Variants in AFF2 observed in about 807,000 individuals in gnomAD.
The protein encoded by AFF2 is ALF transcription elongation factor 2.
A neutral mutation model predicts 76.9 loss-of-function variants in AFF2; 14 were observed. The ratio of observed to expected loss-of-function variants is 0.18; its 90% CI spans 0.12 to 0.28. The LOEUF is 0.28. AFF2 is among the 10% of genes least tolerant of loss of function. The probability of loss-of-function intolerance (pLI) is 1.00; values close to 1 mark genes in which losing one functional copy is unlikely to be tolerated. For synonymous variants in AFF2, 398 were observed against 366.7 expected (o/e 1.09, Z -0.98); for missense variants, 868 against 1,001.1 (o/e 0.87, Z 1.79).
At chrX:148,628,820 G>A (rs1342586103) in intron 1 of AFF2, among the ~76,000 whole-genome samples, 1 of 112,024 alleles carries the variant, frequency 8.9e-6, no homozygotes, top group East Asian at 2.8e-4. Context: ...TTCTGCTTTG[G>A]CAGATGAATG....
chrX:148,723,626 T>G (rs1353233533), intron 3 of AFF2, among the ~76,000 whole-genome samples: 1 of 112,148 alleles, frequency 8.9e-6, no homozygotes, highest in Admixed American at 9.4e-5. Flanking sequence ...AGCAAATCAA[T>G]GCAAGTTAAT....
intron 1 of AFF2, among the ~76,000 whole-genome samples, chrX:148,558,366 G>A (rs1161297254): frequency 9.0e-6 from 1 of 111,476 alleles, no homozygotes; most frequent in African/African-American, 3.3e-5. Context: ...CTAAGAGTGA[G>A]ATGCAGTTCT....
chrX:148,656,493 A>ATTTT (rs1205846596), intron 2 of AFF2, among the ~76,000 whole-genome samples: 27 of 68,072 alleles, frequency 4.0e-4, no homozygotes, highest in African/African-American at 9.2e-4. Flanking sequence ...TCCATGAGGA[A>ATTTT]TTTTTTTTTT....
intron 20 of AFF2, among the ~76,000 whole-genome samples, chrX:148,990,211 G>A (rs1557292106): frequency 1.8e-5 from 2 of 112,103 alleles, no homozygotes; most frequent in Non-Finnish European, 3.8e-5. Context: ...TAAATGCATT[G>A]TTTGATGAAA....
chrX:148,776,907 G>A (rs782502685), intron 3 of AFF2, among the ~76,000 whole-genome samples: 50 of 112,142 alleles, frequency 4.5e-4, no homozygotes, highest in African/African-American at 1.6e-3. Flanking sequence ...TGCTTTTGGT[G>A]TTTTAGTCAT....
chrX:148,680,018 A>G (rs782702066), intron 3 of AFF2, among the ~76,000 whole-genome samples: 6 of 112,418 alleles, frequency 5.3e-5, no homozygotes, highest in African/African-American at 9.7e-5. Flanking sequence ...AAGAAAATCA[A>G]TGTTTCAAAA....
rs782372400 is a variant in AFF2, at chrX:148,791,291, G to A, written c.1042-18585G>A. Among the ~76,000 whole-genome samples, 3 of 111,937 alleles carry A rather than the reference G, an allele frequency of 2.7e-5. No individual in the cohort carries two copies. In the East Asian group the frequency reaches 8.5e-4, roughly 32 times the overall value. ...ACAATCATGATGGAAGGTGAATGAGGAGCAAAGTCACATCTAACATGGTGG... is the reference window on the plus strand; with the variant it reads ...ACAATCATGATGGAAGGTGAATGAGAAGCAAAGTCACATCTAACATGGTGG... On this transcript the variant is annotated intron_variant, in intron 3 of 20. Transcript: ENST00000370460.
At chrX:148,990,134 G>T (rs2072517803) in intron 20 of AFF2, among the ~76,000 whole-genome samples, 1 of 112,264 alleles carries the variant, frequency 8.9e-6, no homozygotes, top group Non-Finnish European at 1.9e-5. Context: ...AGGTTAAAAA[G>T]TATCATATAA....
intron 1 of AFF2, among the ~76,000 whole-genome samples, chrX:148,521,373 T>TACACACACAC (rs1569550690): frequency 1.4e-4 from 8 of 56,075 alleles, no homozygotes; most frequent in African/African-American, 6.7e-4. Flanking sequence ...AGCACGTGCA[T>TACACACACAC]GCACACACAC....
At chrX:148,731,182 C>A (rs2055215171) in intron 3 of AFF2, among the ~76,000 whole-genome samples, 1 of 112,145 alleles carries the variant, frequency 8.9e-6, no homozygotes, top group South Asian at 3.7e-4. Flanking sequence ...CACGTGTCCA[C>A]ACCTCAGAGT....
chrX:148,637,669 G>A (rs2054046056), intron 1 of AFF2, among the ~76,000 whole-genome samples: 1 of 111,637 alleles, frequency 9.0e-6, no homozygotes, highest in Non-Finnish European at 1.9e-5. Flanking sequence ...ATTTCATAAT[G>A]GTGTCTGTAT....
intron 9 of AFF2, among the ~76,000 whole-genome samples, chrX:148,934,719 T>C (rs1237064249): frequency 5.4e-5 from 6 of 111,734 alleles, no homozygotes; most frequent in Non-Finnish European, 7.5e-5. Context: ...GCACCATACT[T>C]GTATTATAAG....
At chrX:148,581,139 A>ATG (rs2053367795) in intron 1 of AFF2, among the ~76,000 whole-genome samples, 2 of 83,921 alleles carry the variant, frequency 2.4e-5, no homozygotes, top group Non-Finnish European at 4.9e-5. Flanking sequence ...GTATACGTAT[A>ATG]CACACATATA....
At chrX:148,811,621 C>A (rs1255704698) in intron 4 of AFF2, among the ~76,000 whole-genome samples, 2 of 112,307 alleles carry the variant, frequency 1.8e-5, no homozygotes, top group Admixed American at 1.9e-4. Context: ...TAAATAAACT[C>A]AGTGGCCTTT....
intron 4 of AFF2, among the ~76,000 whole-genome samples, chrX:148,829,956 G>A (rs933454773): frequency 8.9e-6 from 1 of 112,024 alleles, no homozygotes; most frequent in Admixed American, 9.4e-5. Context: ...GACTTTCATG[G>A]ATTTAAAGAC....
intron 3 of AFF2, among the ~76,000 whole-genome samples, chrX:148,755,591 G>A (rs2055552311): frequency 8.9e-6 from 1 of 112,199 alleles, no homozygotes; most frequent in African/African-American, 3.2e-5. Context: ...CAGCATTAGA[G>A]TGACAGTATC....
chrX:148,978,070 C>A, intron 17 of AFF2, 66 bp downstream of exon 17: 1 of 794,341 alleles, frequency 1.3e-6, no homozygotes, highest in Non-Finnish European at 1.9e-6. Flanking sequence ...AACTCTAGAT[C>A]AACTTAAGCT....
chrX:148,974,761 A>G (rs5936239), intron 16 of AFF2, among the ~76,000 whole-genome samples: 59,913 of 111,080 alleles, frequency 0.54, 13,972 homozygotes, highest in East Asian at 0.79. Flanking sequence ...ACTGCTCTGA[A>G]ATGTAGGCAC....
chrX:148,874,471 T>G (rs2071013537), intron 7 of AFF2, among the ~76,000 whole-genome samples: 1 of 111,508 alleles, frequency 9.0e-6, no homozygotes, highest in South Asian at 3.9e-4. Context: ...GTCAATTAGT[T>G]TGCCCAGATT....
Sources: allele counts gnomAD v4.1 joint callset (sites outside exome capture counted in the v4.1 genomes callset), GRCh38; gene constraint gnomAD v4.1.1; transcripts MANE v1.5; gene names NCBI Gene and HGNC (gene_info 2026-07-23, HGNC 2026-07-21).